TRUB2: variants seen among roughly 807,000 people sequenced by gnomAD.
The protein encoded by TRUB2 is pseudouridylate synthase TRUB2, mitochondrial.
A neutral mutation model predicts 31.9 loss-of-function variants in TRUB2; 31 were observed. The ratio of observed to expected loss-of-function variants is 0.97; its 90% CI spans 0.73 to 1.31. The LOEUF (loss-of-function observed/expected upper bound fraction) is 1.31, where lower values mean the gene tolerates loss of function less well. Ranked by LOEUF, TRUB2 falls within the 50% of genes most tolerant of loss-of-function variation. TRUB2 has a pLI of 0.00. For synonymous variants in TRUB2, 201 were observed against 182.6 expected, an observed-to-expected ratio of 1.10 and a Z score of -0.81; for missense variants, 451 against 439.6, an observed-to-expected ratio of 1.03 and a Z score of -0.23.
Position 128,309,880 on chromosome 9 carries a change from C to T in TRUB2, c.671-5G>A. 5 of 1,611,748 alleles carry T rather than the reference C, an allele frequency of 3.1e-6. No individual in the cohort carries two copies. Among genetic ancestry groups the T allele is most frequent in the Non-Finnish European group, 3.4e-6 (4 of 1,178,452 alleles). On this transcript the variant is annotated splice_polypyrimidine_tract_variant and splice_region_variant and intron_variant, in intron 7 of 7. Transcript: ENST00000372890. Reference sequence around the variant, plus strand: ...TCTCATGCATGCACTGCACCTCTGCCAGGGACACACAATGACAGACATGGT... The same window carrying T: ...TCTCATGCATGCACTGCACCTCTGCTAGGGACACACAATGACAGACATGGT...
intron 2 of TRUB2, among the ~76,000 whole-genome samples, chr9:128,318,293 G>A (rs749966393): frequency 2.6e-5 from 4 of 152,072 alleles, no homozygotes; most frequent in Admixed American, 6.6e-5. Flanking sequence ...GCAGTGAGCT[G>A]AGATCACACC....
At chr9:128,309,994 G>T in intron 7 of TRUB2, 119 bp from the exon 8 acceptor site, 1 of 1,110,088 alleles carries the variant, frequency 9.0e-7, no homozygotes, top group Non-Finnish European at 1.3e-6. Flanking sequence ...AGACCCCTAA[G>T]CTCTCCAGGT....
rs967124587 is a variant in TRUB2, at chr9:128,307,390, T to C, written c.*2160A>G. ...GGGAGGATGACGGTGCAGTGAGTCATGTTTGCACCATTGCACTCCAGCCTG... is the reference window on the plus strand; with the variant it reads ...GGGAGGATGACGGTGCAGTGAGTCACGTTTGCACCATTGCACTCCAGCCTG... On this transcript the variant is annotated 3_prime_UTR_variant, in exon 8 of 8. Transcript: ENST00000372890. 3 of 148,132 alleles carry C rather than the reference T, an allele frequency of 2.0e-5. No homozygotes were observed. Among genetic ancestry groups the C allele is most frequent in the African/African-American group, 7.5e-5 (3 of 40,032 alleles). The allele number at this position is 148,132 out of a possible 1,614,324, so 9.2% of individuals were successfully genotyped here.
At chr9:128,317,795 C>T (rs996491602) in intron 2 of TRUB2, among the ~76,000 whole-genome samples, 8 of 152,212 alleles carry the variant, frequency 5.3e-5, no homozygotes, top group African/African-American at 1.7e-4. Flanking sequence ...ACCCATCTCA[C>T]AGCACTGTGG....
At chr9:128,313,931 C>G in intron 4 of TRUB2, 42 bp from the exon 5 acceptor site, 1 of 1,596,232 alleles carries the variant, frequency 6.3e-7, no homozygotes, top group Non-Finnish European at 8.6e-7. Context: ...TGACCCCATT[C>G]TAAGCCCTAG....
Position 128,308,649 on chromosome 9 carries a change from TAAGAG to T in TRUB2, c.*896_*900del, listed in dbSNP as rs1231667590. On this transcript the variant is annotated 3_prime_UTR_variant, in exon 8 of 8. Coordinates refer to ENST00000372890, the MANE Select transcript of TRUB2 (RefSeq NM_015679.3). ...GCTCATTCAATAAACTGAAGACCTT[TAAGAG>T]AAAAGACTGAGGTCCCGGCCAGGTG... 2 of 151,608 alleles carry T rather than the reference TAAGAG, an allele frequency of 1.3e-5. No individual in the cohort carries two copies. The highest frequency in any genetic ancestry group is 2.4e-5 in the African/African-American group (1 of 41,258). 9.4% of individuals were successfully genotyped at this position (151,608 alleles called of 1,614,324 possible). A position where few individuals can be genotyped will look rare whatever the true frequency, so the allele number is the denominator to read the frequency against.
intron 2 of TRUB2, among the ~76,000 whole-genome samples, chr9:128,319,062 C>T (rs1386167086): frequency 6.6e-6 from 1 of 151,634 alleles, no homozygotes; most frequent in Non-Finnish European, 1.5e-5. Flanking sequence ...CGTGGTGGCT[C>T]ACACCTGTAA....
intron 2 of TRUB2, among the ~76,000 whole-genome samples, chr9:128,318,985 T>G (rs1166798523): frequency 6.6e-6 from 1 of 151,980 alleles, no homozygotes; most frequent in African/African-American, 2.4e-5. Context: ...AGTTCAATAC[T>G]AGCATGGGCA....
rs1832177257 is a variant in TRUB2 at position 128,321,607 on chromosome 9, T to C, written c.233A>G (p.His78Arg). Residue 78 changes from histidine to arginine, a missense_variant, in exon 2 of 8, where the codon CAT becomes CGT. His to Arg is a conservative substitution (Grantham distance 29). Transcript: ENST00000372890. ...TATSVPSFIN[H>R]PLVCGPAFAH... ...GCTTAAATCTGCCTTACCCAGTGGATGGTTGATGAAAGAGGGTACGCTGGT... is the reference window on the plus strand; with the variant it reads ...GCTTAAATCTGCCTTACCCAGTGGACGGTTGATGAAAGAGGGTACGCTGGT... The C allele has an allele frequency of 3.1e-6, 5 of 1,613,856 alleles. No homozygotes were observed. The Middle Eastern group carries it at 6.6e-4, about 213-fold the overall frequency.
Position 128,317,142 on chromosome 9 carries a change from C to T in TRUB2, c.316+10G>A. 1.3e-6 allele frequency: 2 copies of T among 1,569,802 alleles called. No individual in the cohort carries two copies. The highest frequency in any genetic ancestry group is 8.7e-7 in the Non-Finnish European group (1 of 1,155,516). ...TATCACTGTACCCCCAGGCTTCTCA[C>T]ATCACCTACCAAGTACTCCAGAAGC... On this transcript the variant is annotated intron_variant, in intron 3 of 7. Coordinates refer to ENST00000372890, the MANE Select transcript of TRUB2 (RefSeq NM_015679.3).
intron 4 of TRUB2, 35 bp from the exon 5 acceptor site, chr9:128,313,924 C>A (rs770458071): frequency 6.2e-7 from 1 of 1,602,466 alleles, no homozygotes; most frequent in South Asian, 1.1e-5. Flanking sequence ...CCGTCAGTGA[C>A]CCCATTCTAA....
At chr9:128,312,127 A>G (rs1006291129) in intron 5 of TRUB2, among the ~76,000 whole-genome samples, 10 of 134,404 alleles carry the variant, frequency 7.4e-5, no homozygotes, top group Admixed American at 5.4e-4. Context: ...GAGCCACTGC[A>G]CCCAGACTTT....
In TRUB2 at chr9:128,306,433, CTGATT is replaced by C. The variant is rs1831865933; in HGVS notation, c.*3112_*3116del. On this transcript the variant is annotated 3_prime_UTR_variant, in exon 8 of 8. Coordinates refer to ENST00000372890, the MANE Select transcript of TRUB2 (RefSeq NM_015679.3). ...TTGTCTAAATATTGCTGATTTTGTT[CTGATT>C]TTTCTCTTTTTTTTTTTTTTTTGAG... 6.7e-6 allele frequency: 1 copy of C among 150,042 alleles called. No individual in the cohort carries two copies. Among genetic ancestry groups the C allele is most frequent in the South Asian group, 2.1e-4 (1 of 4,732 alleles). 9.3% of individuals were successfully genotyped at this position (150,042 alleles called of 1,614,324 possible). A position where few individuals can be genotyped will look rare whatever the true frequency, so the allele number is the denominator to read the frequency against.
chr9:128,321,755 C>T lies in TRUB2; in HGVS notation c.110-25G>A, dbSNP rs1487103071. On this transcript the variant is annotated intron_variant, in intron 1 of 7. Transcript: ENST00000372890. ...CCTGAACACACAGAGATAATATATA[C>T]ACACATACATACAAATATATGTACA... 3 of 1,605,788 alleles carry T rather than the reference C, an allele frequency of 1.9e-6. No individual in the cohort carries two copies. In the African/African-American group the frequency reaches 4.0e-5, roughly 22 times the overall value.
chr9:128,320,262 TG>T (rs1731083459), intron 2 of TRUB2, among the ~76,000 whole-genome samples: 1 of 151,934 alleles, frequency 6.6e-6, no homozygotes, highest in African/African-American at 2.4e-5. Context: ...TCTGAACTCC[TG>T]GGCTCAAGTG....
chr9:128,318,781 G>A (rs1207430880), intron 2 of TRUB2, among the ~76,000 whole-genome samples: 1 of 151,958 alleles, frequency 6.6e-6, no homozygotes, highest in Non-Finnish European at 1.5e-5. Context: ...TGATCCGCCT[G>A]CCTCGGCCTC....
chr9:128,317,513 C>T (rs1368473701), intron 2 of TRUB2, among the ~76,000 whole-genome samples: 1 of 152,204 alleles, frequency 6.6e-6, no homozygotes, highest in African/African-American at 2.4e-5. Flanking sequence ...GTGCGGGGTT[C>T]CCTGCCCAGC....
Position 128,306,308 on chromosome 9 carries a change from T to G in TRUB2, c.*3242A>C, listed in dbSNP as rs1346746120. Reference sequence around the variant, plus strand: ...CTAAATGGGGTGGTGTGACAGCCCATGTGCCCTACGTTCAAGTTACCTAAT... The same window carrying G: ...CTAAATGGGGTGGTGTGACAGCCCAGGTGCCCTACGTTCAAGTTACCTAAT... On this transcript the variant is annotated 3_prime_UTR_variant, in exon 8 of 8. Transcript: ENST00000372890. 1 of 152,118 alleles carries G rather than the reference T, an allele frequency of 6.6e-6. No individual in the cohort carries two copies. The highest frequency in any genetic ancestry group is 1.5e-5 in the Non-Finnish European group (1 of 68,024). The allele number at this position is 152,118 out of a possible 1,614,324, so 9.4% of individuals were successfully genotyped here. A position where few individuals can be genotyped will look rare whatever the true frequency, so the allele number is the denominator to read the frequency against.
At chr9:128,322,233 A>C (rs948831104) in intron 1 of TRUB2, 67 bp downstream of exon 1, 8 of 1,387,690 alleles carry the variant, frequency 5.8e-6, no homozygotes, top group South Asian at 1.2e-5. Flanking sequence ...TGGGGTAAGG[A>C]CCAGAAGCGG....
Sources: gnomAD v4.1 joint callset for allele counts (sites outside exome capture counted in the v4.1 genomes callset) on GRCh38, gnomAD v4.1.1 for gene constraint, MANE v1.5 for transcripts, NCBI Gene and HGNC (gene_info 2026-07-23, HGNC 2026-07-21) for gene names.